Variants in UGT2B10 observed in about 807,000 individuals in gnomAD.
UGT2B10 encodes UDP glucuronosyltransferase family 2 member B10, also known as UDP-glucuronosyltransferase 2B10.
Under a neutral mutation model 43.7 loss-of-function variants are expected in UGT2B10, and 51 were observed. That is an observed-to-expected ratio of 1.17 (90% CI 0.93 to 1.47). The LOEUF is 1.47. UGT2B10 is among the 40% of genes most tolerant of loss of function. The pLI is 0.00. For missense variants in UGT2B10, 696 were observed against 617.7 expected (o/e 1.13, Z -1.34); for synonymous variants, 225 against 209.0 (o/e 1.08, Z -0.66).
chr4:68,817,639 T>A (rs1737281591), intron 1 of UGT2B10, among the ~76,000 whole-genome samples: 1 of 151,780 alleles, frequency 6.6e-6, no homozygotes, highest in Non-Finnish European at 1.5e-5. Context: ...TAGAAAATTG[T>A]TTCTATGGTT....
chr4:68,821,496 T>C (rs7676529), intron 2 of UGT2B10, among the ~76,000 whole-genome samples: 10,388 of 152,214 alleles, frequency 0.068, 388 homozygotes, highest in Non-Finnish European at 0.093. Flanking sequence ...TTCAGGGCAA[T>C]ACGTGCTCCA....
chr4:68,818,257 T>C, intron 2 of UGT2B10, 80 bp downstream of exon 2: 3 of 1,569,130 alleles, frequency 1.9e-6, no homozygotes, highest in Non-Finnish European at 2.6e-6. Context: ...TTCAGAGTGT[T>C]TGACTAACAC....
chr4:68,830,367 A>T (rs1023671635), intron 5 of UGT2B10, among the ~76,000 whole-genome samples: 27 of 152,214 alleles, frequency 1.8e-4, no homozygotes, highest in African/African-American at 6.3e-4. Flanking sequence ...CTTGAAAAAA[A>T]TAACTTTCTC....
At chr4:68,817,619 G>T (rs1560413989) in intron 1 of UGT2B10, among the ~76,000 whole-genome samples, 1 of 151,700 alleles carries the variant, frequency 6.6e-6, no homozygotes, top group Non-Finnish European at 1.5e-5. Context: ...GTGTAAACTA[G>T]ACTATTTGTT....
intron 5 of UGT2B10, among the ~76,000 whole-genome samples, chr4:68,829,106 C>T (rs7673996): frequency 0.071 from 10,705 of 151,800 alleles, 747 homozygotes; most frequent in African/African-American, 0.18. Flanking sequence ...GTCCAAAAAG[C>T]GTTAGCAACA....
At chr4:68,829,598 T>C (rs528945443) in intron 5 of UGT2B10, among the ~76,000 whole-genome samples, 1 of 151,974 alleles carries the variant, frequency 6.6e-6, no homozygotes, top group African/African-American at 2.4e-5. Context: ...TTCCGTCAGA[T>C]TGTGGCCAGT....
intron 2 of UGT2B10, among the ~76,000 whole-genome samples, chr4:68,821,650 C>A (rs1249797547): frequency 6.6e-6 from 1 of 152,102 alleles, no homozygotes; most frequent in Non-Finnish European, 1.5e-5. Context: ...GATTCTTAAC[C>A]CCCAGCTTTT....
At chr4:68,821,194 T>C (rs1482649570) in intron 2 of UGT2B10, among the ~76,000 whole-genome samples, 1 of 152,198 alleles carries the variant, frequency 6.6e-6, no homozygotes, top group Non-Finnish European at 1.5e-5. Flanking sequence ...TAAAAACCAC[T>C]GGGGAAAGTT....
rs193264154 is a variant in UGT2B10 at position 68,828,851 on chromosome 4, A to G, written c.1307+1303A>G. On this transcript the variant is annotated intron_variant, in intron 5 of 5. Coordinates refer to ENST00000265403, the MANE Select transcript of UGT2B10 (RefSeq NM_001075.6). ...AGGAAATATAAAAAGATTCAATATC[A>G]TAAAGACTATATGATCCAGCCATAG... 1.4e-3 allele frequency among the ~76,000 whole-genome samples: 215 copies of G among 152,176 alleles called. 2 individuals are homozygous for G. The highest frequency in any genetic ancestry group is 4.7e-3 in the African/African-American group (195 of 41,564).
intron 5 of UGT2B10, among the ~76,000 whole-genome samples, chr4:68,829,569 AC>A (rs1254274790): frequency 6.6e-6 from 1 of 152,028 alleles, no homozygotes; most frequent in Non-Finnish European, 1.5e-5. Context: ...AGCACAGTAA[AC>A]AGAGAAAATC....
intron 2 of UGT2B10, among the ~76,000 whole-genome samples, chr4:68,819,256 A>T (rs374916645): frequency 6.6e-6 from 1 of 152,094 alleles, no homozygotes; most frequent in South Asian, 2.1e-4. Flanking sequence ...TAACATGTGC[A>T]TGTCACTTGA....
At chr4:68,817,838 A>G (rs1198238762) in intron 1 of UGT2B10, among the ~76,000 whole-genome samples, 191 bp from the exon 2 acceptor site, 1 of 151,826 alleles carries the variant, frequency 6.6e-6, no homozygotes, top group Non-Finnish European at 1.5e-5. Context: ...TGCCTTTCTT[A>G]TAAATAAACA....
chr4:68,831,699 CTT>C lies in UGT2B10; in HGVS notation c.*821_*822del, dbSNP rs775913889. 2.0e-4 allele frequency among the ~76,000 whole-genome samples: 31 copies of C among 152,208 alleles called. No homozygotes were observed. In the South Asian group the frequency reaches 2.3e-3, roughly 11 times the overall value. On this transcript the variant is annotated 3_prime_UTR_variant, in exon 6 of 6. Coordinates refer to ENST00000265403, the MANE Select transcript of UGT2B10 (RefSeq NM_001075.6). ...TGATTAGTTTTTCTTCCAAAGCTCT[CTT>C]GTTTCTAGTTGTTTTCTTGGTCTTA...
chr4:68,831,042 C>A lies in UGT2B10; in HGVS notation c.*163C>A. 2 of 877,332 alleles carry A rather than the reference C, an allele frequency of 2.3e-6. No individual in the cohort carries two copies. The highest frequency in any genetic ancestry group is 1.7e-5 in the African/African-American group (1 of 58,792). The allele number at this position is 877,332 out of a possible 1,614,324, so 54.3% of individuals were successfully genotyped here. A position where few individuals can be genotyped will look rare whatever the true frequency, so the allele number is the denominator to read the frequency against. Reference sequence around the variant, plus strand: ...AAATTTGTTTTTCAGAGATTTACCACCCAGTTAATGGTTAGAAATATTCTG... The same window carrying A: ...AAATTTGTTTTTCAGAGATTTACCAACCAGTTAATGGTTAGAAATATTCTG... On this transcript the variant is annotated 3_prime_UTR_variant, in exon 6 of 6. Transcript: ENST00000265403.
At chr4:68,816,806 A>C in intron 1 of UGT2B10, 69 bp downstream of exon 1, 1 of 1,303,498 alleles carries the variant, frequency 7.7e-7, no homozygotes, top group Non-Finnish European at 1.0e-6. Flanking sequence ...AACTTGCATA[A>C]AGCCATAAAG....
chr4:68,829,980 G>C (rs1242667286), intron 5 of UGT2B10, among the ~76,000 whole-genome samples: 1 of 151,950 alleles, frequency 6.6e-6, no homozygotes, highest in Non-Finnish European at 1.5e-5. Flanking sequence ...AACAGTAGGA[G>C]ACAAAAGAGT....
In UGT2B10 at chr4:68,830,738, C is replaced by T. The variant is rs1738049297; in HGVS notation, c.1446C>T (p.Leu482=). 1 of 1,613,350 alleles carries T rather than the reference C, an allele frequency of 6.2e-7. No homozygotes were observed. The highest frequency in any genetic ancestry group is 8.5e-7 in the Non-Finnish European group (1 of 1,179,568). The change falls in exon 6 of 6, where the codon CTC becomes CTT. Residue 482 remains leucine, a synonymous_variant. Coordinates refer to ENST00000265403, the MANE Select transcript of UGT2B10 (RefSeq NM_001075.6). The part of the protein sequence containing the change: ...AKHLRVAAHN[L]TWFQYHSLDV... ...ATCTTCGAGTTGCAGCCCACAACCT[C>T]ACCTGGTTCCAGTACCACTCTTTGG...
At chr4:68,829,570 CAG>C (rs1384419339) in intron 5 of UGT2B10, among the ~76,000 whole-genome samples, 2 of 151,728 alleles carry the variant, frequency 1.3e-5, no homozygotes, top group African/African-American at 2.4e-5. Flanking sequence ...GCACAGTAAA[CAG>C]AGAAAATCCT....
Position 68,830,692 on chromosome 4 carries a change from T to C in UGT2B10, c.1400T>C (p.Met467Thr), listed in dbSNP as rs1479859453. ...GCAGTCTTCTGGATTGAATTTGTCA[T>C]GCGCCACAAAGGAGCCAAACATCTT... ...DRAVFWIEFVMRHKGAKHLRV... is the reference protein window; with the variant it reads ...DRAVFWIEFVTRHKGAKHLRV... The change falls in exon 6 of 6, where the codon ATG becomes ACG. Residue 467 changes from methionine to threonine, a missense_variant. By Grantham distance (81) the Met-to-Thr change is moderately conservative. Coordinates refer to ENST00000265403, the MANE Select transcript of UGT2B10 (RefSeq NM_001075.6). 6.2e-7 allele frequency: 1 copy of C among 1,613,434 alleles called. No individual in the cohort carries two copies. Among genetic ancestry groups the C allele is most frequent in the Non-Finnish European group, 8.5e-7 (1 of 1,179,512 alleles).
Sources: gnomAD v4.1 joint callset for allele counts (sites outside exome capture counted in the v4.1 genomes callset) on GRCh38, gnomAD v4.1.1 for gene constraint, MANE v1.5 for transcripts, NCBI Gene and HGNC (gene_info 2026-07-23, HGNC 2026-07-21) for gene names.